The following PALLD variants were observed in gnomAD, a reference collection of about 807,000 sequenced individuals.
The protein encoded by PALLD is palladin, cytoskeletal associated protein, also known as palladin.
PALLD carries 61 observed loss-of-function variants against 123.5 expected under a neutral mutation model. The ratio of observed to expected loss-of-function variants is 0.49; its 90% CI spans 0.40 to 0.61. The LOEUF (loss-of-function observed/expected upper bound fraction) is 0.61. Ranked by LOEUF, PALLD falls within the 20% of genes least tolerant of loss-of-function variation. PALLD has a pLI of 0.00. For synonymous variants in PALLD, 465 were observed against 496.4 expected (o/e 0.94, Z 0.84); for missense variants, 1,273 against 1,377.0 (o/e 0.92, Z 1.20).
At chr4:168,758,814 AAAT>A (rs1732264674) in intron 10 of PALLD, among the ~76,000 whole-genome samples, 1 of 152,058 alleles carries the variant, frequency 6.6e-6, no homozygotes, top group South Asian at 2.1e-4. Context: ...TCTCACCAAG[AAAT>A]ACTACATGCT....
Position 168,804,617 on chromosome 4 carries a change from T to G in PALLD, c.1965-86305T>G, listed in dbSNP as rs139633852. Among the ~76,000 whole-genome samples, 167 of 152,300 alleles carry G rather than the reference T, an allele frequency of 1.1e-3. No homozygotes were observed. In the East Asian group the frequency reaches 0.014, roughly 12 times the overall value. ...CCCTAGGCAGTGACAGTTAAACAGT[T>G]GCAAAGACCTATTTTCAGAGGCATG... On this transcript the variant is annotated intron_variant, in intron 10 of 21. Coordinates refer to ENST00000505667, the MANE Select transcript of PALLD (RefSeq NM_001166108.2).
intron 10 of PALLD, among the ~76,000 whole-genome samples, chr4:168,837,964 G>A (rs1052555454): frequency 1.3e-5 from 2 of 152,294 alleles, no homozygotes; most frequent in East Asian, 3.9e-4. Flanking sequence ...TAGATCTAGG[G>A]AGCATGAGGA....
In PALLD at chr4:168,589,144, CT is replaced by C. The variant is rs566541054; in HGVS notation, c.908+76735del. Among the ~76,000 whole-genome samples the C allele has an allele frequency of 2.7e-3, 407 of 152,352 alleles. 2 individuals carry two copies. Among genetic ancestry groups the C allele is most frequent in the Admixed American group, 4.6e-3 (70 of 15,304 alleles). On this transcript the variant is annotated intron_variant, in intron 2 of 21. Transcript: ENST00000505667. ...GAAAGTTTGTGTCGTTTCTAAAGTG[CT>C]TTACCATACTGTAATTTGTCATTCT...
chr4:168,879,055 T>C (rs983858903), intron 10 of PALLD, among the ~76,000 whole-genome samples: 4 of 152,202 alleles, frequency 2.6e-5, no homozygotes, highest in Non-Finnish European at 5.9e-5. Context: ...TCTTTATGTT[T>C]TGATGTAGAT....
chr4:168,540,792 T>A (rs1260110941), intron 2 of PALLD, among the ~76,000 whole-genome samples: 2 of 148,988 alleles, frequency 1.3e-5, no homozygotes, highest in African/African-American at 4.9e-5. Flanking sequence ...AAAAGAGTTT[T>A]TAGCAGGTGG....
In PALLD at chr4:168,896,599, G is replaced by T; in HGVS notation, c.2250G>T (p.Lys750Asn). 6.7e-7 allele frequency: 1 copy of T among 1,497,810 alleles called. No homozygotes were observed. The highest frequency in any genetic ancestry group is 9.0e-7 in the Non-Finnish European group (1 of 1,112,444). 92.8% of individuals were successfully genotyped at this position (1,497,810 alleles called of 1,614,324 possible). ...TAGGGAGTCCTCTGGATGGTCAAAA[G>T]GTTAAGCTTTTCACCTTTCTTCTCC... ...ASVGSPLDGQ[K>N]EYKVSSCEQR... Residue 750 changes from lysine to asparagine, a missense_variant and splice_region_variant, in exon 13 of 22, where the codon AAG becomes AAT. Lys to Asn is a moderately conservative substitution (Grantham distance 94). This residue lies in a region of PALLD where 944 missense variants were observed against 954.5 expected (regional missense o/e 0.99). Transcript: ENST00000505667.
rs566098350 is a variant in PALLD, at chr4:168,555,793, T to C, written c.908+43381T>C. Reference sequence around the variant, plus strand: ...TCATTATCCATTTATGTATTCAGCATCATGGCCCATCTTGACACCTTATTA... The same window carrying C: ...TCATTATCCATTTATGTATTCAGCACCATGGCCCATCTTGACACCTTATTA... On this transcript the variant is annotated intron_variant, in intron 2 of 21. Coordinates refer to ENST00000505667, the MANE Select transcript of PALLD (RefSeq NM_001166108.2). Among the ~76,000 whole-genome samples, 7 of 152,330 alleles carry C rather than the reference T, an allele frequency of 4.6e-5. No homozygotes were observed. In the East Asian group the frequency reaches 1.4e-3, roughly 29 times the overall value.
Position 168,877,171 on chromosome 4 carries a change from GGGGACAAATGTAGAGATTAAA to G in PALLD, c.1965-13749_1965-13729del, listed in dbSNP as rs1751858426. Among the ~76,000 whole-genome samples, 7 of 152,270 alleles carry G rather than the reference GGGGACAAATGTAGAGATTAAA, an allele frequency of 4.6e-5. No homozygotes were observed. The South Asian group carries it at 1.5e-3, about 32-fold the overall frequency. Reference sequence around the variant, plus strand: ...AAAATTTTGCATAAAGACTTTCTTAGGGGACAAATGTAGAGATTAAAGTAAATTTTTTAAAAAATCCACCTG... The same window carrying G: ...AAAATTTTGCATAAAGACTTTCTTAGGTAAATTTTTTAAAAAATCCACCTG... On this transcript the variant is annotated intron_variant, in intron 10 of 21. Coordinates refer to ENST00000505667, the MANE Select transcript of PALLD (RefSeq NM_001166108.2).
At chr4:168,750,108 C>T (rs1730851250) in intron 10 of PALLD, among the ~76,000 whole-genome samples, 1 of 151,768 alleles carries the variant, frequency 6.6e-6, no homozygotes, top group South Asian at 2.1e-4. Context: ...CCACCACACC[C>T]AGCTAATTTC....
intron 8 of PALLD, among the ~76,000 whole-genome samples, chr4:168,693,580 G>A (rs188360944): frequency 6.6e-6 from 1 of 152,260 alleles, no homozygotes; most frequent in Admixed American, 6.5e-5. Context: ...AGATCTGAAA[G>A]CGTTTAAGAA....
In PALLD at chr4:168,511,486, G is replaced by T; in HGVS notation, c.-19G>T. The T allele has an allele frequency of 6.3e-7, 1 of 1,597,332 alleles. No individual in the cohort carries two copies. The highest frequency in any genetic ancestry group is 1.8e-4 in the Middle Eastern group (1 of 5,694). ...TTCCTACTGAAAGCAGACACAGAGT[G>T]CATGAAGACCGTTCAAATATGTCAG... On this transcript the variant is annotated 5_prime_UTR_variant, in exon 2 of 22. Coordinates refer to ENST00000505667, the MANE Select transcript of PALLD (RefSeq NM_001166108.2).
chr4:168,581,713 G>T (rs1770297073), intron 2 of PALLD, among the ~76,000 whole-genome samples: 1 of 152,002 alleles, frequency 6.6e-6, no homozygotes, highest in Non-Finnish European at 1.5e-5. Context: ...TTCTTAGGTT[G>T]TCTCTTTACT....
chr4:168,902,923 C>G (rs1169158679), intron 14 of PALLD, among the ~76,000 whole-genome samples: 1 of 152,044 alleles, frequency 6.6e-6, no homozygotes, highest in Non-Finnish European at 1.5e-5. Context: ...AGACATGCAC[C>G]ACCACACCCA....
intron 10 of PALLD, among the ~76,000 whole-genome samples, chr4:168,836,369 G>A (rs998543119): frequency 2.6e-5 from 4 of 152,196 alleles, no homozygotes; most frequent in Non-Finnish European, 5.9e-5. Flanking sequence ...GACAAGGTGT[G>A]TCAGCCAGAA....
intron 10 of PALLD, among the ~76,000 whole-genome samples, chr4:168,828,244 A>G (rs1488534839): frequency 6.6e-6 from 1 of 152,236 alleles, no homozygotes; most frequent in Non-Finnish European, 1.5e-5. Flanking sequence ...TCATTAAAAT[A>G]TTAAGCAAAA....
intron 10 of PALLD, among the ~76,000 whole-genome samples, chr4:168,749,944 G>C (rs1730821875): frequency 7.0e-6 from 1 of 143,036 alleles, no homozygotes; most frequent in Non-Finnish European, 1.5e-5. Context: ...CCAGTGCTTA[G>C]TTTCCACTTT....
chr4:168,699,429 T>C (rs1023840878), intron 8 of PALLD, among the ~76,000 whole-genome samples: 1 of 152,044 alleles, frequency 6.6e-6, no homozygotes, highest in Non-Finnish European at 1.5e-5. Flanking sequence ...CTGGATTTCA[T>C]CTTGTTGATT....
chr4:168,845,519 G>A (rs923172465), intron 10 of PALLD, among the ~76,000 whole-genome samples: 1 of 152,138 alleles, frequency 6.6e-6, no homozygotes, highest in South Asian at 2.1e-4. Context: ...TTTACATTAG[G>A]TATTATAAGT....
At chr4:168,697,170 A>T (rs970577260) in intron 8 of PALLD, among the ~76,000 whole-genome samples, 10 of 152,240 alleles carry the variant, frequency 6.6e-5, no homozygotes, top group African/African-American at 2.4e-4. Context: ...CAAAATTGTG[A>T]AAAAAGTTAC....
Sources: gnomAD v4.1 joint callset for allele counts (sites outside exome capture counted in the v4.1 genomes callset) on GRCh38, gnomAD v4.1.1 for gene constraint, gnomAD v4.1.1 regional missense constraint, MANE v1.5 for transcripts, NCBI Gene and HGNC (gene_info 2026-07-23, HGNC 2026-07-21) for gene names.